Variants in FGL1 observed in about 807,000 individuals in gnomAD.
FGL1 encodes fibrinogen-like protein 1.
A neutral mutation model predicts 43.7 loss-of-function variants in FGL1; 59 were observed. The observed-to-expected ratio is 1.35, with a 90% confidence interval of 1.10 to 1.68. The LOEUF (loss-of-function observed/expected upper bound fraction) is 1.68, where lower values mean the gene tolerates loss of function less well. Among genes scored for constraint, FGL1 ranks in the 40% most tolerant of loss-of-function variants. The pLI is 0.00. For missense variants in FGL1, 596 were observed against 373.0 expected, an observed-to-expected ratio of 1.60 and a Z score of -4.92; for synonymous variants, 192 against 126.5, an observed-to-expected ratio of 1.52 and a Z score of -3.48.
At chr8:17,895,207 T>G in intron 1 of FGL1, 2 of 823,954 alleles carry the variant, frequency 2.4e-6, no homozygotes, top group Non-Finnish European at 2.9e-6. Context: ...ATTTTCCTCA[T>G]TTGTAATTCT....
At chr8:17,884,336 G>C (rs1183831205) in intron 2 of FGL1, among the ~76,000 whole-genome samples, 1 of 151,974 alleles carries the variant, frequency 6.6e-6, no homozygotes, top group Non-Finnish European at 1.5e-5. Flanking sequence ...GGACTATACA[G>C]GTTGTGTGCC....
chr8:17,871,530 G>C (rs969384315), intron 5 of FGL1, among the ~76,000 whole-genome samples: 1 of 150,216 alleles, frequency 6.7e-6, no homozygotes, highest in African/African-American at 2.4e-5. Context: ...TATTATAACA[G>C]AGACATAAAG....
At chr8:17,889,536 C>G (rs747029653) in intron 1 of FGL1, among the ~76,000 whole-genome samples, 1 of 152,062 alleles carries the variant, frequency 6.6e-6, no homozygotes, top group African/African-American at 2.4e-5. Context: ...GGTGACAGAG[C>G]GACACTCCAC....
rs1210522673 is a variant in FGL1, at chr8:17,875,760, A to G, written c.245-1239T>C. ...GCTGGGATCACAGCCACGCACCTAC[A>G]CACCTGGCTAATTTTTTTGTATTTT... On this transcript the variant is annotated intron_variant, in intron 3 of 7. Transcript: ENST00000427924. 5.9e-5 allele frequency among the ~76,000 whole-genome samples: 9 copies of G among 151,958 alleles called. No individual in the cohort carries two copies. In the East Asian group the frequency reaches 1.4e-3, roughly 23 times the overall value.
At chr8:17,878,153 T>A (rs1367181725) in intron 3 of FGL1, among the ~76,000 whole-genome samples, 1 of 152,082 alleles carries the variant, frequency 6.6e-6, no homozygotes, top group Non-Finnish European at 1.5e-5. Context: ...AGTCTCACTA[T>A]GTTGCCCAGG....
chr8:17,893,318 T>C (rs573313728), intron 1 of FGL1, among the ~76,000 whole-genome samples: 8 of 152,064 alleles, frequency 5.3e-5, no homozygotes, highest in Non-Finnish European at 8.8e-5. Flanking sequence ...TTGAAAATGC[T>C]CTGAATGATG....
chr8:17,878,442 A>C (rs1563454389), intron 3 of FGL1, among the ~76,000 whole-genome samples: 1 of 152,096 alleles, frequency 6.6e-6, no homozygotes, highest in Non-Finnish European at 1.5e-5. Context: ...CCACTTTGTA[A>C]CCTGCCTCAA....
In FGL1 at chr8:17,880,511, C is replaced by T. The variant is rs536704485; in HGVS notation, c.244+1488G>A. Reference sequence around the variant, plus strand: ...AAATAGGTGTCCGAATTTATATTTGCTTATCTTGCTATTCCTCTCCCTATG... The same window carrying T: ...AAATAGGTGTCCGAATTTATATTTGTTTATCTTGCTATTCCTCTCCCTATG... On this transcript the variant is annotated intron_variant, in intron 3 of 7. Transcript: ENST00000427924. Among the ~76,000 whole-genome samples, 7 of 152,282 alleles carry T rather than the reference C, an allele frequency of 4.6e-5. No individual in the cohort carries two copies. In the East Asian group the frequency reaches 1.3e-3, roughly 29 times the overall value.
At chr8:17,886,612 G>T (rs1166656518) in intron 1 of FGL1, among the ~76,000 whole-genome samples, 1 of 152,070 alleles carries the variant, frequency 6.6e-6, no homozygotes, top group Non-Finnish European at 1.5e-5. Flanking sequence ...ACAAAAATTA[G>T]CCAGGCGTGG....
intron 5 of FGL1, among the ~76,000 whole-genome samples, chr8:17,870,368 TC>T (rs2053340103): frequency 6.6e-6 from 1 of 152,158 alleles, no homozygotes; most frequent in African/African-American, 2.4e-5. Context: ...AGAACTCTTG[TC>T]AGGGGCACCA....
At chr8:17,891,107 T>C (rs1193080272) in intron 1 of FGL1, among the ~76,000 whole-genome samples, 1 of 152,222 alleles carries the variant, frequency 6.6e-6, no homozygotes, top group Non-Finnish European at 1.5e-5. Context: ...CTGTACAATG[T>C]AAGCACGAAG....
At position 17,868,902 on chromosome 8, in the gene FGL1, G is replaced by C; in HGVS notation, c.591+14C>G. 6.4e-7 allele frequency: 1 copy of C among 1,570,110 alleles called. No homozygotes were observed. The highest frequency in any genetic ancestry group is 8.6e-7 in the Non-Finnish European group (1 of 1,157,056). ...CATTTATTCACGGTTTTACTTCTTA[G>C]AAAATTGTAGTACCTTTTCATCTCC... On this transcript the variant is annotated intron_variant, in intron 6 of 7. Transcript: ENST00000427924.
At position 17,864,704 on chromosome 8, in the gene FGL1, G is replaced by T; in HGVS notation, c.827C>A (p.Thr276Lys). 6.2e-7 allele frequency: 1 copy of T among 1,612,796 alleles called. No homozygotes were observed. Among genetic ancestry groups the T allele is most frequent in the Non-Finnish European group, 8.5e-7 (1 of 1,179,650 alleles). Residue 276 changes from threonine to lysine, a missense_variant, in exon 8 of 8, where the codon ACG becomes AAG. By Grantham distance (78) the Thr-to-Lys change is moderately conservative. Transcript: ENST00000427924. ...LNGVYYSGPY[T>K]AKTDNGIVWY... is the part of the protein sequence containing the mutation. ...GACAATCCCATTGTCTGTTTTAGCC[G>T]TGTAGGGGCCGCTGTAGTATACACC...
At chr8:17,874,879 A>G (rs2157649) in intron 3 of FGL1, among the ~76,000 whole-genome samples, 13,203 of 152,008 alleles carry the variant, frequency 0.087, 968 homozygotes, top group African/African-American at 0.19. Context: ...AAACAATCCT[A>G]TCCTCCCACC....
intron 3 of FGL1, among the ~76,000 whole-genome samples, chr8:17,880,136 G>C (rs2053513404): frequency 6.6e-6 from 1 of 152,276 alleles, no homozygotes; most frequent in Non-Finnish European, 1.5e-5. Context: ...GCCATCTTCA[G>C]GCTATAGCCA....
intron 3 of FGL1, among the ~76,000 whole-genome samples, chr8:17,881,231 G>A (rs1006267749): frequency 2.0e-5 from 3 of 151,136 alleles, no homozygotes; most frequent in African/African-American, 7.3e-5. Context: ...GCGACTCCTG[G>A]GTTCAAGTGA....
chr8:17,870,300 A>C (rs187589405), intron 5 of FGL1, among the ~76,000 whole-genome samples: 36 of 152,308 alleles, frequency 2.4e-4, no homozygotes, highest in African/African-American at 8.7e-4. Flanking sequence ...GCTACCTTCA[A>C]GTAATCTTTT....
At chr8:17,878,671 C>T (rs118004262) in intron 3 of FGL1, among the ~76,000 whole-genome samples, 1 of 152,122 alleles carries the variant, frequency 6.6e-6, no homozygotes, top group Non-Finnish European at 1.5e-5. Flanking sequence ...GTGCCTAGTG[C>T]ATTGTTTGCA....
At position 17,881,979 on chromosome 8, in the gene FGL1, T is replaced by C; in HGVS notation, c.244+20A>G. The C allele has an allele frequency of 1.2e-6, 2 of 1,608,512 alleles. No homozygotes were observed. Among genetic ancestry groups the C allele is most frequent in the Non-Finnish European group, 1.7e-6 (2 of 1,176,272 alleles). Reference sequence around the variant, plus strand: ...GCATAATGTAAGTTATAGAAACACTTAAGAAAAGTCCATTCTGACCTGCAT... The same window carrying C: ...GCATAATGTAAGTTATAGAAACACTCAAGAAAAGTCCATTCTGACCTGCAT... On this transcript the variant is annotated intron_variant, in intron 3 of 7. Transcript: ENST00000427924.
Sources: gnomAD v4.1 joint callset for allele counts (sites outside exome capture counted in the v4.1 genomes callset) on GRCh38, gnomAD v4.1.1 for gene constraint, MANE v1.5 for transcripts, NCBI Gene and HGNC (gene_info 2026-07-23, HGNC 2026-07-21) for gene names.